The following JMJD7 variants were observed in gnomAD, a reference collection of about 807,000 sequenced individuals.
The protein encoded by JMJD7 is bifunctional peptidase and (3S)-lysyl hydroxylase JMJD7.
A neutral mutation model predicts 41.1 loss-of-function variants in JMJD7; 41 were observed. The ratio of observed to expected loss-of-function variants is 1.00; its 90% CI spans 0.78 to 1.30. The LOEUF (loss-of-function observed/expected upper bound fraction) is 1.30. JMJD7 is among the 50% of genes most tolerant of loss of function. The pLI is 0.00. For synonymous variants in JMJD7, 202 were observed against 177.2 expected (o/e 1.14, Z -1.11); for missense variants, 480 against 420.7 (o/e 1.14, Z -1.23).
At chr15:41,829,007 T>C (rs2065186850) in intron 1 of JMJD7, 1 of 152,234 alleles carries the variant, frequency 6.6e-6, no homozygotes, top group African/African-American at 2.4e-5. Flanking sequence ...ACTTTGAGGA[T>C]TGATTTAACA....
At chr15:41,836,405 G>T in intron 5 of JMJD7, 70 bp from the exon 6 acceptor site, 1 of 1,556,108 alleles carries the variant, frequency 6.4e-7, no homozygotes, top group South Asian at 1.2e-5. Flanking sequence ...GGGCTGGCTG[G>T]GGTGGAGGAG....
In JMJD7 at chr15:41,833,229, CTT is replaced by C. The variant is rs1462193169; in HGVS notation, c.65-1508_65-1507del. 2.6e-5 allele frequency among the ~76,000 whole-genome samples: 4 copies of C among 151,934 alleles called. No homozygotes were observed. In the East Asian group the frequency reaches 5.8e-4, roughly 22 times the overall value. ...AACCATCCAGCCAGGATACTGGAGA[CTT>C]TTATTCAACATTAGGCAAATACTTG... On this transcript the variant is annotated intron_variant, in intron 1 of 7. Transcript: ENST00000397299.
rs553539890 is a variant in JMJD7, at chr15:41,832,268, G to A, written c.65-2472G>A. Among the ~76,000 whole-genome samples, 10 of 152,370 alleles carry A rather than the reference G, an allele frequency of 6.6e-5. No homozygotes were observed. The South Asian group carries it at 2.1e-3, about 32-fold the overall frequency. ...GGGATCCAGGCCGGTAGCATGAGCT[G>A]AGCACAGCCTGCAGGGCCGAGTGGG... On this transcript the variant is annotated intron_variant, in intron 1 of 7. Transcript: ENST00000397299.
Position 41,836,263 on chromosome 15 carries a change from G to A in JMJD7, c.625+20G>A. ...CCTATGGTAGGGGATGTGGCCTGCA[G>A]GGAGGGGCTGGGGAACAGCTGGCCC... On this transcript the variant is annotated intron_variant, in intron 5 of 7. Coordinates refer to ENST00000397299, the MANE Select transcript of JMJD7 (RefSeq NM_001114632.2). 1 of 1,611,884 alleles carries A rather than the reference G, an allele frequency of 6.2e-7. No individual in the cohort carries two copies. The highest frequency in any genetic ancestry group is 8.5e-7 in the Non-Finnish European group (1 of 1,179,052).
intron 1 of JMJD7, 77 bp downstream of exon 1, chr15:41,828,265 C>T: frequency 7.0e-7 from 1 of 1,435,078 alleles, no homozygotes; most frequent in Non-Finnish European, 9.1e-7. Context: ...ACCGGGGGCT[C>T]GGAACCTCGT....
chr15:41,836,051 G>A (rs1274605617), intron 4 of JMJD7, 97 bp from the exon 5 acceptor site: 3 of 1,306,392 alleles, frequency 2.3e-6, no homozygotes, highest in Admixed American at 4.7e-5. Context: ...TTTTGTCATA[G>A]GACGTCTTGG....
chr15:41,832,581 T>G (rs1315677378), intron 1 of JMJD7: 1 of 152,290 alleles, frequency 6.6e-6, no homozygotes, highest in African/African-American at 2.4e-5. Flanking sequence ...GGATTCCATA[T>G]CTACTGGATG....
At chr15:41,831,475 G>A (rs1390006622) in intron 1 of JMJD7, among the ~76,000 whole-genome samples, 2 of 152,232 alleles carry the variant, frequency 1.3e-5, no homozygotes, top group Non-Finnish European at 2.9e-5. Flanking sequence ...ACCATTTGGA[G>A]CAGGATGTGG....
At chr15:41,834,669 G>GA in intron 1 of JMJD7, 71 bp from the exon 2 acceptor site, 2 of 1,567,318 alleles carry the variant, frequency 1.3e-6, no homozygotes, top group Non-Finnish European at 1.7e-6. Context: ...TCCAGGGAGG[G>GA]CATCTCTTGG....
intron 1 of JMJD7, among the ~76,000 whole-genome samples, chr15:41,832,907 A>C (rs2065249615): frequency 6.6e-6 from 1 of 152,190 alleles, no homozygotes; most frequent in African/African-American, 2.4e-5. Flanking sequence ...TATAAAAACC[A>C]GTAGAAAGAC....
At position 41,835,094 on chromosome 15, in the gene JMJD7, G is replaced by T. The variant is rs80284393; in HGVS notation, c.343G>T (p.Val115Leu). 1.9e-6 allele frequency: 3 copies of T among 1,613,384 alleles called. No individual in the cohort carries two copies. Among genetic ancestry groups the T allele is most frequent in the East Asian group, 2.2e-5 (1 of 44,880 alleles). ...CCTGCCCCTGAGCTTCGTGCTGGATGTGCTGGAGGGCCGGGCCCAGCACCC... is the reference window on the plus strand; with the variant it reads ...CCTGCCCCTGAGCTTCGTGCTGGATTTGCTGGAGGGCCGGGCCCAGCACCC... Reference protein sequence around the residue: ...RRLPLSFVLDVLEGRAQHPGV... With the variant: ...RRLPLSFVLDLLEGRAQHPGV... Residue 115 changes from valine (V) to leucine (L), a missense_variant, in exon 3 of 8, where the codon GTG (valine) becomes TTG (leucine). Coordinates refer to ENST00000397299, the MANE Select transcript of JMJD7 (RefSeq NM_001114632.2).
intron 3 of JMJD7, 148 bp from the exon 4 acceptor site, chr15:41,835,440 C>T (rs1567165932): frequency 7.5e-7 from 1 of 1,338,932 alleles, no homozygotes; most frequent in Non-Finnish European, 1.0e-6. Flanking sequence ...AGGACCCCTT[C>T]CCCAAGATTT....
At chr15:41,834,281 G>A (rs1223361560) in intron 1 of JMJD7, among the ~76,000 whole-genome samples, 1 of 152,238 alleles carries the variant, frequency 6.6e-6, no homozygotes, top group African/African-American at 2.4e-5. Context: ...CACATTCCTG[G>A]TGCTCAGTAA....
At chr15:41,836,599 T>A in intron 6 of JMJD7, 48 bp downstream of exon 6, 2 of 1,503,246 alleles carry the variant, frequency 1.3e-6, no homozygotes, top group Non-Finnish European at 1.8e-6. Flanking sequence ...GGCAGAAGCC[T>A]GGCTCTGAAG....
intron 6 of JMJD7, 62 bp from the exon 7 acceptor site, chr15:41,836,719 G>T (rs565922420): frequency 3.9e-6 from 6 of 1,527,702 alleles, no homozygotes; most frequent in South Asian, 1.2e-5. Flanking sequence ...CTTTGGAAGG[G>T]ACAGAGCCTG....
chr15:41,834,943 G>A, intron 2 of JMJD7, 27 bp from the exon 3 acceptor site: 5 of 1,613,732 alleles, frequency 3.1e-6, no homozygotes, highest in Non-Finnish European at 4.2e-6. Context: ...TGGCATCTGG[G>A]CATGGGCTGA....
In JMJD7 at chr15:41,836,835, T is replaced by C. The variant is rs2065327095; in HGVS notation, c.757T>C (p.Tyr253His). The stretch of plus-strand genomic sequence containing the variant: ...GCCAGACCTAGCACGGTACCCTAGT[T>C]ACAGTCAGGCCCAGGCCCTTCGCTG... ...LAPDLARYPS[Y>H]SQAQALRCTV... is the part of the protein sequence containing the mutation. Residue 253 changes from tyrosine (Y) to histidine (H), a missense_variant, in exon 7 of 8, where the codon TAC becomes CAC. Transcript: ENST00000397299. 1.4e-5 allele frequency: 23 copies of C among 1,612,980 alleles called. No homozygotes were observed. The highest frequency in any genetic ancestry group is 1.9e-5 in the Non-Finnish European group (23 of 1,179,676).
At chr15:41,831,866 A>G (rs760338731) in intron 1 of JMJD7, among the ~76,000 whole-genome samples, 68 of 152,218 alleles carry the variant, frequency 4.5e-4, no homozygotes, top group Non-Finnish European at 7.9e-4. Context: ...GGGCTAAAAG[A>G]GCTGTAACAT....
rs2140883177 is a variant in JMJD7 at position 41,837,048 on chromosome 15, G to C, written c.863-20G>C. The C allele has an allele frequency of 6.2e-7, 1 of 1,611,004 alleles. No individual in the cohort carries two copies. The highest frequency in any genetic ancestry group is 1.1e-5 in the South Asian group (1 of 90,986). ...GTCAGAAGAGGGATCTTCATGCTCA[G>C]ATCCCCGTTCTTCCCACAGTGAATT... On this transcript the variant is annotated intron_variant, in intron 7 of 7. Coordinates refer to ENST00000397299, the MANE Select transcript of JMJD7 (RefSeq NM_001114632.2).
Sources: allele counts gnomAD v4.1 joint callset (sites outside exome capture counted in the v4.1 genomes callset), GRCh38; gene constraint gnomAD v4.1.1; transcripts MANE v1.5; gene names NCBI Gene and HGNC (gene_info 2026-07-23, HGNC 2026-07-21).